PCDH15: variants seen among roughly 807,000 people sequenced by gnomAD.
PCDH15 encodes protocadherin related 15, also known as protocadherin-15.
PCDH15 carries 129 observed loss-of-function variants against 178.5 expected under a neutral mutation model. That is an observed-to-expected ratio of 0.72 (90% CI 0.63 to 0.84). PCDH15 has a LOEUF of 0.84. Ranked by LOEUF, PCDH15 falls within the 40% of genes least tolerant of loss-of-function variation. The probability of loss-of-function intolerance (pLI) is 0.00; values close to 1 mark genes in which losing one functional copy is unlikely to be tolerated. For missense variants in PCDH15, 2,230 were observed against 2,099.9 expected (o/e 1.06, Z -1.21); for synonymous variants, 800 against 732.0 (o/e 1.09, Z -1.50).
chr10:54,161,380 G>T (rs1590870188), intron 13 of PCDH15, among the ~76,000 whole-genome samples: 1 of 152,242 alleles, frequency 6.6e-6, no homozygotes, highest in Non-Finnish European at 1.5e-5. Context: ...AAAACAGGGG[G>T]TGTCTACAGC....
chr10:54,363,769 A>C (rs1174408549), intron 5 of PCDH15, among the ~76,000 whole-genome samples: 1 of 152,192 alleles, frequency 6.6e-6, no homozygotes, highest in Admixed American at 6.6e-5. Flanking sequence ...AAAACATGAG[A>C]GTATATTTTC....
chr10:53,912,554 C>T (rs763381841), intron 25 of PCDH15, among the ~76,000 whole-genome samples: 4 of 152,154 alleles, frequency 2.6e-5, no homozygotes, highest in African/African-American at 4.8e-5. Flanking sequence ...CCCATTGTCT[C>T]GGCCCAAAAT....
intron 3 of PCDH15, among the ~76,000 whole-genome samples, chr10:54,526,115 T>C (rs1445982811): frequency 6.6e-6 from 1 of 152,234 alleles, no homozygotes; most frequent in Non-Finnish European, 1.5e-5. Context: ...CACCTGCTAC[T>C]GTACAGCAGT....
chr10:54,665,606 G>T (rs1310670221), intron 1 of PCDH15, among the ~76,000 whole-genome samples: 1 of 151,950 alleles, frequency 6.6e-6, no homozygotes, highest in Non-Finnish European at 1.5e-5. Flanking sequence ...TTGTAAAATT[G>T]TATTAAAGGT....
In PCDH15 at chr10:53,806,575, T is replaced by A. The variant is rs187631806; in HGVS notation, c.*4A>T. 6.4e-7 allele frequency: 1 copy of A among 1,569,186 alleles called. No individual in the cohort carries two copies. Among genetic ancestry groups the A allele is most frequent in the Non-Finnish European group, 8.6e-7 (1 of 1,156,504 alleles). On this transcript the variant is annotated 3_prime_UTR_variant, in exon 38 of 38. Coordinates refer to ENST00000644397, the MANE Select transcript of PCDH15 (RefSeq NM_001384140.1). ...ATTAATTAAAATATCTTTTAAAAAA[T>A]TGGTCACAGTTTTGTCATTGGTATA... is the stretch of plus-strand genomic sequence containing the variant.
intron 2 of PCDH15, among the ~76,000 whole-genome samples, chr10:54,567,020 T>C (rs1437779008): frequency 6.6e-6 from 1 of 152,166 alleles, no homozygotes; most frequent in East Asian, 1.9e-4. Context: ...AGAATTTTGG[T>C]CATTCTAATA....
At position 54,916,343 on chromosome 10, in the gene PCDH15, C is replaced by A. The variant is rs1234068749; in HGVS notation, c.-79-18843G>T. Among the ~76,000 whole-genome samples the A allele has an allele frequency of 3.3e-5, 5 of 152,284 alleles. No homozygotes were observed. In the South Asian group the frequency reaches 1.0e-3, roughly 32 times the overall value. On this transcript the variant is annotated intron_variant, in intron 2 of 5. Coordinates refer to the PCDH15 transcript ENST00000458638. ...AGGAAGTCACTACAGAGTTTTGACA[C>A]TATCAGCTTTCTCTTTTTAGTGAAA...
intron 15 of PCDH15, among the ~76,000 whole-genome samples, chr10:54,126,741 A>C (rs1238048085): frequency 6.6e-6 from 1 of 152,064 alleles, no homozygotes; most frequent in Non-Finnish European, 1.5e-5. Flanking sequence ...CAATCATTCA[A>C]AGGTCAGTAC....
chr10:55,263,906 T>G (rs1166619072), intron 1 of PCDH15, among the ~76,000 whole-genome samples: 1 of 151,952 alleles, frequency 6.6e-6, no homozygotes, highest in Non-Finnish European at 1.5e-5. Flanking sequence ...GGCTAATTTT[T>G]TGTATTTTTA....
intron 15 of PCDH15, among the ~76,000 whole-genome samples, chr10:54,109,725 T>C (rs116566208): frequency 0.016 from 2,404 of 152,242 alleles, 51 homozygotes; most frequent in African/African-American, 0.048. Flanking sequence ...GAAGTGGGGA[T>C]AGTTAATGGG....
At chr10:54,463,646 G>T (rs1370497904) in intron 3 of PCDH15, among the ~76,000 whole-genome samples, 1 of 152,100 alleles carries the variant, frequency 6.6e-6, no homozygotes, top group Non-Finnish European at 1.5e-5. Context: ...CTACCAGACA[G>T]TAATTTTTTT....
At chr10:54,899,794 C>G (rs1177126853) in intron 2 of PCDH15, among the ~76,000 whole-genome samples, 1 of 152,050 alleles carries the variant, frequency 6.6e-6, no homozygotes, top group East Asian at 1.9e-4. Flanking sequence ...CGTGCCCGAC[C>G]AAAGATTATA....
chr10:54,581,968 C>G (rs188686128), intron 2 of PCDH15, among the ~76,000 whole-genome samples: 1 of 151,690 alleles, frequency 6.6e-6, no homozygotes, highest in African/African-American at 2.4e-5. Flanking sequence ...CTATAAAAAC[C>G]CTAGAAAAAA....
intron 18 of PCDH15, among the ~76,000 whole-genome samples, chr10:54,055,312 A>C (rs982028740): frequency 6.6e-6 from 1 of 152,162 alleles, no homozygotes; most frequent in East Asian, 1.9e-4. Context: ...CATGTTGTAG[A>C]CTTATGGTTC....
intron 8 of PCDH15, among the ~76,000 whole-genome samples, chr10:54,263,559 A>G (rs2057473587): frequency 6.6e-6 from 1 of 152,162 alleles, no homozygotes; most frequent in African/African-American, 2.4e-5. Context: ...TTGAAGTTTG[A>G]ATTATAGCAT....
chr10:55,501,323 G>T (rs79099610), intron 2 of PCDH15, among the ~76,000 whole-genome samples: 1 of 151,748 alleles, frequency 6.6e-6, no homozygotes, highest in South Asian at 2.1e-4. Context: ...AGATTAAATT[G>T]CTCTTGTTTT....
chr10:54,627,727 G>T (rs1224128072), intron 2 of PCDH15, among the ~76,000 whole-genome samples: 1 of 152,122 alleles, frequency 6.6e-6, no homozygotes, highest in Non-Finnish European at 1.5e-5. Flanking sequence ...CATTTAAGTG[G>T]GCTGGGATTG....
chr10:54,957,306 G>C (rs1339995433), intron 2 of PCDH15, among the ~76,000 whole-genome samples: 1 of 151,532 alleles, frequency 6.6e-6, no homozygotes, highest in Admixed American at 6.6e-5. Flanking sequence ...TCCTTCTGAG[G>C]ATAATGCAAG....
chr10:54,314,776 G>T (rs938530014), intron 8 of PCDH15, among the ~76,000 whole-genome samples: 2 of 152,146 alleles, frequency 1.3e-5, no homozygotes, highest in East Asian at 1.9e-4. Flanking sequence ...TTATATGTGA[G>T]AATATGCGGT....
Sources: gnomAD v4.1 joint callset for allele counts (sites outside exome capture counted in the v4.1 genomes callset) on GRCh38, gnomAD v4.1.1 for gene constraint, MANE v1.5 for transcripts, NCBI Gene and HGNC (gene_info 2026-07-23, HGNC 2026-07-21) for gene names.